Variants in SLC22A5 observed in about 807,000 individuals in gnomAD.
SLC22A5 encodes the protein solute carrier family 22 member 5.
In SLC22A5, 44 loss-of-function variants were observed where a neutral mutation model predicts 56.7. That is an observed-to-expected ratio of 0.78 (90% CI 0.61 to 1.00). The LOEUF (loss-of-function observed/expected upper bound fraction) is 1.00, where lower values mean the gene tolerates loss of function less well. Ranked by LOEUF, SLC22A5 falls within the 50% of genes least tolerant of loss-of-function variation. The pLI, the probability that SLC22A5 is intolerant of heterozygous loss-of-function variation, is 0.00. For missense variants in SLC22A5, 675 were observed against 723.0 expected, an observed-to-expected ratio of 0.93 and a Z score of 0.76; for synonymous variants, 278 against 292.1, an observed-to-expected ratio of 0.95 and a Z score of 0.49.
chr5:132,377,055 C>T (rs942367611), intron 1 of SLC22A5: 4 of 152,464 alleles, frequency 2.6e-5, no homozygotes, highest in African/African-American at 9.7e-5. Context: ...CCAGTTCTTC[C>T]CTGGGTTGGG....
chr5:132,375,227 T>C (rs919495698), intron 1 of SLC22A5, among the ~76,000 whole-genome samples: 7 of 152,218 alleles, frequency 4.6e-5, no homozygotes, highest in African/African-American at 1.4e-4. Context: ...CTCTCTTCTA[T>C]ACAGGGGGCA....
At chr5:132,385,728 G>T (rs187504862) in intron 4 of SLC22A5, among the ~76,000 whole-genome samples, 54 of 152,402 alleles carry the variant, frequency 3.5e-4, no homozygotes, top group Admixed American at 3.5e-3. Flanking sequence ...TGCCCCAAGT[G>T]TGGGGAAAAA....
intron 3 of SLC22A5, among the ~76,000 whole-genome samples, chr5:132,384,906 A>G (rs149147246): frequency 1.3e-5 from 2 of 152,332 alleles, no homozygotes; most frequent in Admixed American, 1.3e-4. Context: ...TCTAGCTGAT[A>G]AGGCCTTTGA....
rs121908888 is a variant in SLC22A5 at position 132,384,281 on chromosome 5, A to G, written c.632A>G (p.Tyr211Cys). ...VLVGMGQISN[Y>C]VAAFVLGTEI... The stretch of plus-strand genomic sequence containing the variant: ...GTAGGCATGGGCCAGATCTCCAACT[A>G]TGTGGCAGCATTTGTCCTGGGTATG... The change falls in exon 3 of 10, where the codon TAT (tyrosine) becomes TGT (cysteine). Residue 211 changes from tyrosine to cysteine, a missense_variant. Tyr to Cys is a radical substitution (Grantham distance 194). Transcript: ENST00000245407. 1.3e-5 allele frequency: 21 copies of G among 1,614,094 alleles called. No homozygotes were observed. Among genetic ancestry groups the G allele is most frequent in the Non-Finnish European group, 1.5e-5 (18 of 1,180,038 alleles).
intron 4 of SLC22A5, among the ~76,000 whole-genome samples, chr5:132,385,881 T>A (rs867373026): frequency 2.9e-4 from 44 of 152,264 alleles, no homozygotes; most frequent in Admixed American, 1.3e-3. Context: ...GCAAGAGTCC[T>A]CAGGGTAGCC....
intron 4 of SLC22A5, among the ~76,000 whole-genome samples, 158 bp downstream of exon 4, chr5:132,385,657 G>A (rs1217407462): frequency 6.6e-6 from 1 of 152,254 alleles, no homozygotes; most frequent in Admixed American, 6.5e-5. Context: ...ACACTCAAAA[G>A]AGCCAAAACA....
At chr5:132,378,267 C>T in intron 1 of SLC22A5, 111 bp from the exon 2 acceptor site, 1 of 1,613,992 alleles carries the variant, frequency 6.2e-7, no homozygotes, top group Non-Finnish European at 8.5e-7. Context: ...TGAGTTCACA[C>T]TCAGAGCGTG....
At position 132,373,146 on chromosome 5, in the gene SLC22A5, A is replaced by G. The variant is rs534956380; in HGVS notation, c.393+2781A>G. ...ATTGAATGAGTTAATGAATAATTTA[A>G]GAAATCATCTCTAAAGTTTGAGAAC... On this transcript the variant is annotated intron_variant, in intron 1 of 9. Transcript: ENST00000245407. 2.0e-5 allele frequency among the ~76,000 whole-genome samples: 3 copies of G among 152,354 alleles called. No individual in the cohort carries two copies. In the East Asian group the frequency reaches 5.8e-4, roughly 29 times the overall value.
rs2126789694 is a variant in SLC22A5 at position 132,390,768 on chromosome 5, C to T, written c.1131C>T (p.Phe377=). Residue 377 remains phenylalanine (F), a synonymous_variant, in exon 7 of 10, where the codon TTC becomes TTT. Coordinates refer to ENST00000245407, the MANE Select transcript of SLC22A5 (RefSeq NM_003060.4). ...ATGGGGACATCTTTGTGAACTGCTT[C>T]CTTTCAGCGATGGTTGAAGTCCCAG... is the stretch of plus-strand genomic sequence containing the variant. ...NLHGDIFVNC[F]LSAMVEVPAY... The T allele has an allele frequency of 1.2e-6, 2 of 1,614,228 alleles. No individual in the cohort carries two copies. The highest frequency in any genetic ancestry group is 1.7e-6 in the Non-Finnish European group (2 of 1,180,046).
At chr5:132,392,384 A>G in intron 7 of SLC22A5, 49 bp from the exon 8 acceptor site, 1 of 1,530,506 alleles carries the variant, frequency 6.5e-7, no homozygotes, top group Non-Finnish European at 9.1e-7. Context: ...CAATAGCTGC[A>G]TGCCATGGGT....
intron 1 of SLC22A5, among the ~76,000 whole-genome samples, chr5:132,375,755 G>T (rs1255166713): frequency 6.6e-6 from 1 of 152,136 alleles, no homozygotes; most frequent in Non-Finnish European, 1.5e-5. Flanking sequence ...CCAGGAAGAG[G>T]GGCAAGTCTA....
At chr5:132,376,940 C>T (rs1280152776) in intron 1 of SLC22A5, 1 of 152,642 alleles carries the variant, frequency 6.6e-6, no homozygotes. Flanking sequence ...CCTTCTGAGG[C>T]TGTGGAGGTT....
chr5:132,394,591 A>T lies in SLC22A5; in HGVS notation c.*319A>T. On this transcript the variant is annotated 3_prime_UTR_variant, in exon 10 of 10. Coordinates refer to ENST00000245407, the MANE Select transcript of SLC22A5 (RefSeq NM_003060.4). ...AGATCTGGAGGAATGTGAGAAGCAT[A>T]TGCTAAATGTACATTTTAATTTTAG... The T allele has an allele frequency of 2.5e-6, 1 of 403,070 alleles. No individual in the cohort carries two copies. Among genetic ancestry groups the T allele is most frequent in the Non-Finnish European group, 4.5e-6 (1 of 222,228 alleles). The allele number at this position is 403,070 out of a possible 1,614,324, so 25.0% of individuals were successfully genotyped here.
intron 2 of SLC22A5, chr5:132,382,303 T>A (rs1752372673): frequency 6.6e-6 from 1 of 152,134 alleles, no homozygotes; most frequent in African/African-American, 2.4e-5. Flanking sequence ...CCACACTGGT[T>A]CCTCATGTTC....
At chr5:132,394,034 G>A (rs568830206) in intron 9 of SLC22A5, 151 bp from the exon 10 acceptor site, 42 of 757,002 alleles carry the variant, frequency 5.5e-5, no homozygotes, top group Non-Finnish European at 8.1e-5. Context: ...GGCAGTAGCC[G>A]CACTGGATAA....
At chr5:132,383,618 C>T (rs1179304085) in intron 2 of SLC22A5, 1 of 183,174 alleles carries the variant, frequency 5.5e-6, no homozygotes, top group African/African-American at 2.4e-5. Context: ...ATCTATTAAT[C>T]CATTGGGGGC....
chr5:132,372,998 T>A (rs1301349889), intron 1 of SLC22A5, among the ~76,000 whole-genome samples: 1 of 152,238 alleles, frequency 6.6e-6, no homozygotes, highest in Non-Finnish European at 1.5e-5. Context: ...TGGATTTTTT[T>A]AATTTGTTCA....
chr5:132,378,435 G>C lies in SLC22A5; in HGVS notation c.451G>C (p.Val151Leu), dbSNP rs386134193. ...CCCACTCACAATCTCCTTGTTCTTC[G>C]TGGGTGTGCTGTTGGGCTCCTTCAT... ...KAPLTISLFF[V>L]GVLLGSFISG... The change falls in exon 2 of 10, where the codon GTG (valine) becomes CTG (leucine). Residue 151 changes from valine to leucine, a missense_variant. Physicochemically the swap from Val to Leu is conservative, Grantham distance 32 (BLOSUM62 1). Coordinates refer to ENST00000245407, the MANE Select transcript of SLC22A5 (RefSeq NM_003060.4). 3 of 1,614,234 alleles carry C rather than the reference G, an allele frequency of 1.9e-6. No homozygotes were observed. The highest frequency in any genetic ancestry group is 2.5e-6 in the Non-Finnish European group (3 of 1,180,040).
At chr5:132,390,067 G>T (rs1752649828) in intron 6 of SLC22A5, 1 of 169,314 alleles carries the variant, frequency 5.9e-6, no homozygotes, top group East Asian at 1.6e-4. Context: ...GCCTACTGGG[G>T]ATGCCCAGGT....
Sources: allele counts gnomAD v4.1 joint callset (sites outside exome capture counted in the v4.1 genomes callset), GRCh38; gene constraint gnomAD v4.1.1; transcripts MANE v1.5; gene names NCBI Gene and HGNC (gene_info 2026-07-23, HGNC 2026-07-21).